The following RAP2A variants were observed in gnomAD, a reference collection of about 807,000 sequenced individuals.
RAP2A encodes ras-related protein Rap-2a.
RAP2A carries 5 observed loss-of-function variants against 15.1 expected under a neutral mutation model. The observed-to-expected ratio is 0.33, with a 90% CI of 0.17 to 0.70. RAP2A has a LOEUF of 0.70. RAP2A is among the 30% of genes least tolerant of loss of function. The probability of loss-of-function intolerance (pLI) is 0.68; values close to 1 mark genes in which losing one functional copy is unlikely to be tolerated. For synonymous variants in RAP2A, 110 were observed against 99.7 expected (o/e 1.10, Z -0.62); for missense variants, 111 against 240.3 (o/e 0.46, Z 3.56).
intron 1 of RAP2A, among the ~76,000 whole-genome samples, chr13:97,452,757 A>G (rs1186779481): frequency 2.0e-5 from 3 of 151,338 alleles, no homozygotes; most frequent in Non-Finnish European, 2.9e-5. Context: ...ATAATATTGC[A>G]TCTTCCAGTA....
intron 1 of RAP2A, among the ~76,000 whole-genome samples, chr13:97,444,416 C>T (rs1221741474): frequency 6.6e-6 from 1 of 152,110 alleles, no homozygotes; most frequent in Non-Finnish European, 1.5e-5. Flanking sequence ...ACCAAATATG[C>T]ATGGGGTGAA....
At chr13:97,443,143 A>G (rs1201507807) in intron 1 of RAP2A, among the ~76,000 whole-genome samples, 2 of 152,218 alleles carry the variant, frequency 1.3e-5, no homozygotes, top group African/African-American at 4.8e-5. Context: ...TGCTGCATCT[A>G]TCCAGGATAA....
chr13:97,439,960 T>C (rs1398971170), intron 1 of RAP2A, among the ~76,000 whole-genome samples: 1 of 152,144 alleles, frequency 6.6e-6, no homozygotes, highest in Non-Finnish European at 1.5e-5. Context: ...GTGAGCTGGC[T>C]GATTGTTTAC....
intron 1 of RAP2A, among the ~76,000 whole-genome samples, chr13:97,435,430 T>C (rs534404594): frequency 1.3e-5 from 2 of 149,960 alleles, no homozygotes; most frequent in African/African-American, 2.4e-5. Context: ...TTGTTTTTGT[T>C]TTTTTGTTTT....
chr13:97,464,131 C>A, intron 1 of RAP2A, 74 bp from the exon 2 acceptor site: 1 of 1,470,706 alleles, frequency 6.8e-7, no homozygotes, highest in Non-Finnish European at 9.4e-7. Flanking sequence ...CCCCCAAAAA[C>A]GAAAATACAC....
chr13:97,462,325 A>G (rs1426017486), intron 1 of RAP2A, among the ~76,000 whole-genome samples: 2 of 152,114 alleles, frequency 1.3e-5, no homozygotes, highest in Non-Finnish European at 2.9e-5. Context: ...AAGTAACACA[A>G]ATTGGAAGCT....
rs911700490 is a variant in RAP2A at position 97,465,510 on chromosome 13, G to A, written c.*1068G>A. On this transcript the variant is annotated 3_prime_UTR_variant, in exon 2 of 2. Coordinates refer to ENST00000245304, the MANE Select transcript of RAP2A (RefSeq NM_021033.7). ...TTTGCTGTAGCAGAGCTTTATTGCA[G>A]GCATTTTAAAAATTGAATAACCATG... is the stretch of plus-strand genomic sequence containing the variant. 2.6e-5 allele frequency: 4 copies of A among 152,576 alleles called. No homozygotes were observed. The highest frequency in any genetic ancestry group is 9.7e-5 in the African/African-American group (4 of 41,416). The allele number at this position is 152,576 out of a possible 1,614,324, so 9.5% of individuals were successfully genotyped here.
At chr13:97,439,760 T>C (rs2153179098) in intron 1 of RAP2A, among the ~76,000 whole-genome samples, 2 of 152,198 alleles carry the variant, frequency 1.3e-5, no homozygotes, top group Admixed American at 1.3e-4. Context: ...AATGAATGAA[T>C]ATAGCCAAGG....
chr13:97,461,642 TA>T (rs2066746288), intron 1 of RAP2A, among the ~76,000 whole-genome samples: 1 of 152,184 alleles, frequency 6.6e-6, no homozygotes, highest in East Asian at 1.9e-4. Context: ...TGAACTTAAC[TA>T]AAAGTGTAAG....
At chr13:97,450,846 T>C (rs747084749) in intron 1 of RAP2A, among the ~76,000 whole-genome samples, 1 of 152,206 alleles carries the variant, frequency 6.6e-6, no homozygotes, top group Non-Finnish European at 1.5e-5. Context: ...TATTCCTTTT[T>C]CTTAACATGG....
intron 1 of RAP2A, among the ~76,000 whole-genome samples, chr13:97,446,242 C>G (rs867452993): frequency 2.0e-5 from 3 of 152,108 alleles, no homozygotes; most frequent in African/African-American, 7.2e-5. Flanking sequence ...TTTATGGTCA[C>G]TATAGACTGT....
rs1400317615 is a variant in RAP2A at position 97,466,226 on chromosome 13, T to C, written c.*1784T>C. On this transcript the variant is annotated 3_prime_UTR_variant, in exon 2 of 2. Transcript: ENST00000245304. ...TAGAGGGTGAAAAAAAAAAAAAAGATTGATAGTATTTTTCATAATGAAAAA... is the reference window on the plus strand; with the variant it reads ...TAGAGGGTGAAAAAAAAAAAAAAGACTGATAGTATTTTTCATAATGAAAAA... 1 of 151,576 alleles carries C rather than the reference T, an allele frequency of 6.6e-6. No homozygotes were observed. The highest frequency in any genetic ancestry group is 2.4e-5 in the African/African-American group (1 of 41,268). The allele number at this position is 151,576 out of a possible 1,614,324, so 9.4% of individuals were successfully genotyped here.
chr13:97,459,618 C>A (rs2066738169), intron 1 of RAP2A, among the ~76,000 whole-genome samples: 1 of 152,212 alleles, frequency 6.6e-6, no homozygotes, highest in African/African-American at 2.4e-5. Context: ...GCTTAGAATG[C>A]TCTTCCCCTA....
chr13:97,434,569 C>T lies in RAP2A; in HGVS notation c.99C>T (p.Asp33=), dbSNP rs1259391968. 6.2e-7 allele frequency: 1 copy of T among 1,614,002 alleles called. No homozygotes were observed. Among genetic ancestry groups the T allele is most frequent in the East Asian group, 2.2e-5 (1 of 44,870 alleles). ...CCGGCACCTTCATCGAGAAATACGA[C>T]CCCACCATCGAGGACTTCTACCGCA... is the stretch of plus-strand genomic sequence containing the variant. The part of the protein sequence containing the change: ...FVTGTFIEKY[D]PTIEDFYRKE... Residue 33 remains aspartate (D), a synonymous_variant, in exon 1 of 2, where the codon GAC becomes GAT. Transcript: ENST00000245304.
chr13:97,459,710 A>G (rs1378935652), intron 1 of RAP2A, among the ~76,000 whole-genome samples: 1 of 152,230 alleles, frequency 6.6e-6, no homozygotes, highest in Non-Finnish European at 1.5e-5. Context: ...GCCTGGGATC[A>G]TCTTATTTAA....
At chr13:97,439,833 C>T (rs186740860) in intron 1 of RAP2A, among the ~76,000 whole-genome samples, 2 of 152,048 alleles carry the variant, frequency 1.3e-5, no homozygotes, top group East Asian at 3.9e-4. Flanking sequence ...GGCGAGAAGG[C>T]GTGGGGTGTT....
intron 1 of RAP2A, among the ~76,000 whole-genome samples, chr13:97,461,990 TTATATA>T (rs1021192970): frequency 2.1e-5 from 3 of 141,786 alleles, no homozygotes; most frequent in African/African-American, 8.0e-5. Context: ...ATATATATAT[TTATATA>T]TTTATATTTA....
chr13:97,434,818 AC>A, intron 1 of RAP2A, 34 bp downstream of exon 1: 1 of 1,605,778 alleles, frequency 6.2e-7, no homozygotes, highest in East Asian at 2.2e-5. Context: ...TGGCGGCTGC[AC>A]CCCGGAGTCA....
intron 1 of RAP2A, among the ~76,000 whole-genome samples, chr13:97,448,037 A>C (rs529730958): frequency 6.6e-6 from 1 of 150,574 alleles, no homozygotes; most frequent in African/African-American, 2.4e-5. Context: ...CTTCAGAGCC[A>C]TGGTTCACAG....
Sources: gnomAD v4.1 joint callset for allele counts (sites outside exome capture counted in the v4.1 genomes callset) on GRCh38, gnomAD v4.1.1 for gene constraint, MANE v1.5 for transcripts, NCBI Gene and HGNC (gene_info 2026-07-23, HGNC 2026-07-21) for gene names.